The following GALNT13 variants were observed in gnomAD, a reference collection of about 807,000 sequenced individuals.
The protein encoded by GALNT13 is UDP-GalNAc:polypeptide N-acetylgalactosaminyltransferase 13.
In GALNT13, 28 loss-of-function variants were observed where a neutral mutation model predicts 64.2. The observed-to-expected ratio is 0.44, with a 90% confidence interval of 0.32 to 0.60. The LOEUF (loss-of-function observed/expected upper bound fraction) is 0.60, where lower values mean the gene tolerates loss of function less well. Ranked by LOEUF, GALNT13 falls within the 20% of genes least tolerant of loss-of-function variation. The pLI is 0.05. For missense variants in GALNT13, 577 were observed against 669.8 expected (o/e 0.86, Z 1.53); for synonymous variants, 214 against 224.6 (o/e 0.95, Z 0.42).
At chr2:154,012,044 T>C (rs1286440489) in intron 3 of GALNT13, among the ~76,000 whole-genome samples, 1 of 152,146 alleles carries the variant, frequency 6.6e-6, no homozygotes, top group Non-Finnish European at 1.5e-5. Context: ...TGCCTTTTAA[T>C]TGGGGCATTT....
the GALNT13 span, among the ~76,000 whole-genome samples, chr2:153,865,442 A>G: frequency 6.9e-6 from 1 of 144,950 alleles, no homozygotes; most frequent in Non-Finnish European, 1.5e-5. Context: ...AGAATCTACA[A>G]TGAACTCAAA....
At chr2:154,046,193 T>C (rs1187073287) in intron 3 of GALNT13, among the ~76,000 whole-genome samples, 1 of 152,130 alleles carries the variant, frequency 6.6e-6, no homozygotes, top group Non-Finnish European at 1.5e-5. Context: ...GGCATGGTCA[T>C]ACATGCCTGT....
chr2:153,999,558 T>A (rs754396299), intron 3 of GALNT13, among the ~76,000 whole-genome samples: 1 of 152,134 alleles, frequency 6.6e-6, no homozygotes, highest in African/African-American at 2.4e-5. Flanking sequence ...TTTTTCTGAA[T>A]GTATTGTAAC....
At chr2:154,363,261 C>G (rs1559113988) in intron 9 of GALNT13, among the ~76,000 whole-genome samples, 1 of 152,196 alleles carries the variant, frequency 6.6e-6, no homozygotes, top group African/African-American at 2.4e-5. Context: ...ATCTTCTCTG[C>G]CTTCCCAGTA....
At chr2:153,197,948 C>T in the GALNT13 span, among the ~76,000 whole-genome samples, 1 of 152,180 alleles carries the variant, frequency 6.6e-6, no homozygotes, top group Non-Finnish European at 1.5e-5. Context: ...TGCACTTGGG[C>T]TCCCTTTGTC....
the GALNT13 span, among the ~76,000 whole-genome samples, chr2:153,458,577 A>G: frequency 9.9e-5 from 15 of 152,174 alleles, no homozygotes; most frequent in Admixed American, 9.8e-4. Flanking sequence ...GCAACACTTC[A>G]CTTCTTAGAC....
chr2:154,179,823 A>T (rs1392034014), intron 4 of GALNT13, among the ~76,000 whole-genome samples: 1 of 94,342 alleles, frequency 1.1e-5, no homozygotes, highest in African/African-American at 4.6e-5. Flanking sequence ...CTCTTCCATG[A>T]TAAAAAAAAA....
At chr2:153,467,985 T>C in the GALNT13 span, among the ~76,000 whole-genome samples, 35 of 152,140 alleles carry the variant, frequency 2.3e-4, no homozygotes, top group South Asian at 5.2e-3. Flanking sequence ...TAGAATAGTC[T>C]AATATTCCAG....
the GALNT13 span, among the ~76,000 whole-genome samples, chr2:153,651,464 G>A: frequency 9.2e-5 from 14 of 152,226 alleles, no homozygotes; most frequent in South Asian, 2.3e-3. Context: ...TATCATGTCC[G>A]TTGTTCTTTC....
At chr2:153,160,432 T>C in the GALNT13 span, among the ~76,000 whole-genome samples, 1 of 152,214 alleles carries the variant, frequency 6.6e-6, no homozygotes, top group Non-Finnish European at 1.5e-5. Context: ...CTGTATTTGC[T>C]CAACAAACAT....
chr2:153,916,042 G>A (rs541703993), intron 2 of GALNT13, among the ~76,000 whole-genome samples: 7 of 152,158 alleles, frequency 4.6e-5, no homozygotes, highest in African/African-American at 1.7e-4. Flanking sequence ...CACAAGGAGA[G>A]GATAGGAATT....
chr2:153,078,375 A>G, the GALNT13 span, among the ~76,000 whole-genome samples: 2 of 147,522 alleles, frequency 1.4e-5, no homozygotes, highest in African/African-American at 5.1e-5. Flanking sequence ...ACAGTGGCGG[A>G]ATCTCAGCTC....
intron 4 of GALNT13, among the ~76,000 whole-genome samples, chr2:154,198,102 C>G (rs1686974754): frequency 6.6e-6 from 1 of 151,940 alleles, no homozygotes. Flanking sequence ...AGATAAATTA[C>G]ATTTTTAAGA....
At chr2:153,971,243 T>A (rs1001843575) in intron 3 of GALNT13, among the ~76,000 whole-genome samples, 1 of 152,160 alleles carries the variant, frequency 6.6e-6, no homozygotes, top group African/African-American at 2.4e-5. Context: ...GCCACACTAT[T>A]TGAAAAGGTA....
chr2:154,004,510 A>T (rs1457099444), intron 3 of GALNT13, among the ~76,000 whole-genome samples: 1 of 152,154 alleles, frequency 6.6e-6, no homozygotes, highest in African/African-American at 2.4e-5. Context: ...AGCCAGTGCT[A>T]AATTTAATAC....
chr2:153,340,780 G>A, the GALNT13 span, among the ~76,000 whole-genome samples: 11 of 152,232 alleles, frequency 7.2e-5, no homozygotes, highest in African/African-American at 2.4e-5. Context: ...TTTATCACAG[G>A]AAGATGTTAA....
rs776119070 is a variant in GALNT13 at position 154,139,408 on chromosome 2, G to A, written c.143-929G>A. ...AAATATGTGCCTTTTAATTTATATG[G>A]AAATTAAACTCAGTAAGATTAATGT... On this transcript the variant is annotated intron_variant, in intron 3 of 12. Transcript: ENST00000392825. Among the ~76,000 whole-genome samples, 2 of 151,434 alleles carry A rather than the reference G, an allele frequency of 1.3e-5. 1 individual carries two copies. Among genetic ancestry groups the A allele is most frequent in the Non-Finnish European group, 2.9e-5 (2 of 67,834 alleles).
At chr2:153,387,361 G>A in the GALNT13 span, among the ~76,000 whole-genome samples, 8 of 151,994 alleles carry the variant, frequency 5.3e-5, no homozygotes, top group East Asian at 3.9e-4. Flanking sequence ...TAGATTATAC[G>A]TTTTCTAAAA....
chr2:154,304,599 G>A (rs1693631135), intron 9 of GALNT13, among the ~76,000 whole-genome samples: 1 of 152,142 alleles, frequency 6.6e-6, no homozygotes, highest in African/African-American at 2.4e-5. Flanking sequence ...AATGAAAAAG[G>A]CAGATAAATG....
Sources: allele counts gnomAD v4.1 joint callset (sites outside exome capture counted in the v4.1 genomes callset), GRCh38; gene constraint gnomAD v4.1.1; transcripts MANE v1.5; gene names NCBI Gene and HGNC (gene_info 2026-07-23, HGNC 2026-07-21).